The following SHANK2 variants were observed in gnomAD, a reference collection of about 807,000 sequenced individuals.
SHANK2 encodes SH3 and multiple ankyrin repeat domains 2, also known as SH3 and multiple ankyrin repeat domains protein 2.
A neutral mutation model predicts 133.7 loss-of-function variants in SHANK2; 43 were observed. The ratio of observed to expected loss-of-function variants is 0.32; its 90% CI spans 0.25 to 0.41. SHANK2 has a LOEUF of 0.41. Among genes scored for constraint, SHANK2 ranks in the 10% least tolerant of loss-of-function variants. The pLI is 1.00. For synonymous variants in SHANK2, 1,017 were observed against 952.8 expected, an observed-to-expected ratio of 1.07 and a Z score of -1.24; for missense variants, 1,994 against 2,235.8, an observed-to-expected ratio of 0.89 and a Z score of 2.18.
intron 17 of SHANK2, among the ~76,000 whole-genome samples, chr11:70,646,841 AT>A (rs1263711481): frequency 8.4e-5 from 12 of 143,320 alleles, no homozygotes; most frequent in African/African-American, 2.8e-5. Context: ...TTATTTATTT[AT>A]TTATTTATTT....
chr11:70,796,164 A>G (rs2135207569), intron 14 of SHANK2, among the ~76,000 whole-genome samples: 1 of 152,302 alleles, frequency 6.6e-6, no homozygotes, highest in Non-Finnish European at 1.5e-5. Context: ...CAACGGGGCT[A>G]GAGAAAGCCA....
chr11:70,680,279 A>C (rs1193854226), intron 15 of SHANK2, among the ~76,000 whole-genome samples: 1 of 152,206 alleles, frequency 6.6e-6, no homozygotes, highest in Non-Finnish European at 1.5e-5. Flanking sequence ...GACGGCTGTA[A>C]CAACGTAACA....
At chr11:70,495,397 G>A (rs1480476369) in intron 21 of SHANK2, among the ~76,000 whole-genome samples, 1 of 152,228 alleles carries the variant, frequency 6.6e-6, no homozygotes, top group Non-Finnish European at 1.5e-5. Context: ...CTTGACTTGG[G>A]ACCAGGTGAT....
chr11:71,225,570 A>G (rs973536582), intron 1 of SHANK2, among the ~76,000 whole-genome samples: 2 of 152,254 alleles, frequency 1.3e-5, no homozygotes, highest in Non-Finnish European at 2.9e-5. Context: ...GTCTCATAAC[A>G]TAATACAAAT....
At chr11:71,068,607 G>T (rs1000268189) in intron 9 of SHANK2, among the ~76,000 whole-genome samples, 1 of 152,212 alleles carries the variant, frequency 6.6e-6, no homozygotes, top group African/African-American at 2.4e-5. Context: ...ACCTTAATGG[G>T]CATGGAGTCT....
intron 17 of SHANK2, among the ~76,000 whole-genome samples, chr11:70,539,983 TC>T (rs2059598202): frequency 6.6e-6 from 1 of 152,114 alleles, no homozygotes; most frequent in Admixed American, 6.6e-5. Flanking sequence ...CCCCTCTGCC[TC>T]CATCTTCGCC....
Position 70,500,319 on chromosome 11 carries a change from G to A in SHANK2, c.2308+251C>T, listed in dbSNP as rs1003136044. 2.0e-5 allele frequency among the ~76,000 whole-genome samples: 3 copies of A among 152,082 alleles called. No individual in the cohort carries two copies. Among genetic ancestry groups the A allele is most frequent in the African/African-American group, 4.8e-5 (2 of 41,414 alleles). ...CAAACAGGGGTCCGGCCAGCTTCACGGTCATGACGATGTGAACACAGGTCA... is the reference window on the plus strand; with the variant it reads ...CAAACAGGGGTCCGGCCAGCTTCACAGTCATGACGATGTGAACACAGGTCA... On this transcript the variant is annotated intron_variant, in intron 21 of 25. Transcript: ENST00000601538. This position sits in a 1 kb window ranked among gnomAD's most constrained non-coding sequence, Gnocchi z 4.5.
intron 8 of SHANK2, among the ~76,000 whole-genome samples, chr11:71,089,280 C>T (rs1238219144): frequency 6.6e-6 from 1 of 152,222 alleles, no homozygotes; most frequent in East Asian, 1.9e-4. Flanking sequence ...GACAGCCAAG[C>T]GCAGCAAGGA....
chr11:71,240,356 G>T (rs560154196), intron 1 of SHANK2, among the ~76,000 whole-genome samples: 14 of 152,288 alleles, frequency 9.2e-5, no homozygotes, highest in African/African-American at 3.4e-4. Context: ...GTGACAAGCC[G>T]TGACAAGCTG....
chr11:70,854,916 G>A (rs1433653251), intron 11 of SHANK2, among the ~76,000 whole-genome samples: 1 of 152,168 alleles, frequency 6.6e-6, no homozygotes, highest in Non-Finnish European at 1.5e-5. Context: ...TGAACAGCAA[G>A]AGCTGTACTT....
At chr11:70,802,534 T>C (rs1171421757) in intron 13 of SHANK2, among the ~76,000 whole-genome samples, 1 of 152,164 alleles carries the variant, frequency 6.6e-6, no homozygotes, top group Non-Finnish European at 1.5e-5. Flanking sequence ...GTACCCAACA[T>C]GCTGGTTTCT....
At chr11:71,186,856 C>T (rs1259351298) in intron 2 of SHANK2, among the ~76,000 whole-genome samples, 1 of 152,232 alleles carries the variant, frequency 6.6e-6, no homozygotes, top group Non-Finnish European at 1.5e-5. Flanking sequence ...CCTCGGCCCT[C>T]GGCATTCAGC....
At chr11:70,834,526 C>T (rs558061105) in intron 11 of SHANK2, among the ~76,000 whole-genome samples, 20 of 152,330 alleles carry the variant, frequency 1.3e-4, no homozygotes, top group African/African-American at 4.8e-4. Flanking sequence ...AGGGCAGGTA[C>T]AAGCTAGAGC....
At chr11:70,908,866 C>T (rs186808063) in intron 10 of SHANK2, among the ~76,000 whole-genome samples, 32 of 152,304 alleles carry the variant, frequency 2.1e-4, no homozygotes, top group Admixed American at 4.6e-4. Context: ...GTTCAGTTTC[C>T]AGCCAAGATG....
intron 17 of SHANK2, among the ~76,000 whole-genome samples, chr11:70,521,026 A>G (rs2059323705): frequency 6.6e-6 from 1 of 152,176 alleles, no homozygotes; most frequent in Non-Finnish European, 1.5e-5. Context: ...CTGGCTCCTG[A>G]GCCCATCACA....
chr11:71,162,695 T>C (rs1953045349), intron 2 of SHANK2, among the ~76,000 whole-genome samples: 1 of 152,186 alleles, frequency 6.6e-6, no homozygotes, highest in African/African-American at 2.4e-5. Context: ...TATCTTCACC[T>C]ATCTATAGCC....
intron 11 of SHANK2, among the ~76,000 whole-genome samples, chr11:70,829,317 C>T (rs112757766): frequency 0.016 from 2,499 of 152,214 alleles, 23 homozygotes; most frequent in Non-Finnish European, 0.026. Flanking sequence ...CCAGAAAGGA[C>T]CCTCAGCGGC....
chr11:70,608,246 T>A (rs1271755251), intron 17 of SHANK2, among the ~76,000 whole-genome samples: 2 of 152,192 alleles, frequency 1.3e-5, no homozygotes, highest in African/African-American at 4.8e-5. Flanking sequence ...GTGCTTGGAT[T>A]GTGGGTGCGA....
chr11:70,708,121 T>C (rs1183012883), intron 14 of SHANK2, among the ~76,000 whole-genome samples: 1 of 152,214 alleles, frequency 6.6e-6, no homozygotes, highest in Non-Finnish European at 1.5e-5. Context: ...GGAAAAGCCC[T>C]GGCGTCCCTA....
Sources: gnomAD v4.1 joint callset for allele counts (sites outside exome capture counted in the v4.1 genomes callset) on GRCh38, gnomAD v4.1.1 for gene constraint, Gnocchi (gnomAD v3.1) non-coding constraint, MANE v1.5 for transcripts, NCBI Gene and HGNC (gene_info 2026-07-23, HGNC 2026-07-21) for gene names.